PHAX: variants seen among roughly 807,000 people sequenced by gnomAD.
PHAX encodes phosphorylated adapter RNA export protein.
PHAX carries 31 observed loss-of-function variants against 41.6 expected under a neutral mutation model. The ratio of observed to expected loss-of-function variants is 0.75; its 90% CI spans 0.56 to 1.01. The LOEUF (loss-of-function observed/expected upper bound fraction) is 1.01, where lower values mean the gene tolerates loss of function less well. Among genes scored for constraint, PHAX ranks in the 50% least tolerant of loss-of-function variants. The pLI is 0.00. For missense variants in PHAX, 453 were observed against 472.9 expected (o/e 0.96, Z 0.39); for synonymous variants, 175 against 164.9 (o/e 1.06, Z -0.47).
At chr5:126,605,220 G>A (rs1381352162) in intron 2 of PHAX, among the ~76,000 whole-genome samples, 1 of 151,502 alleles carries the variant, frequency 6.6e-6, no homozygotes, top group Non-Finnish European at 1.5e-5. Context: ...CTGGAGTGCA[G>A]TAGCACAATC....
Position 126,603,566 on chromosome 5 carries a change from G to T in PHAX, c.97-4G>T. 1 of 1,587,148 alleles carries T rather than the reference G, an allele frequency of 6.3e-7. No homozygotes were observed. The highest frequency in any genetic ancestry group is 8.6e-7 in the Non-Finnish European group (1 of 1,163,560). On this transcript the variant is annotated splice_region_variant and splice_polypyrimidine_tract_variant and intron_variant, in intron 1 of 4. Transcript: ENST00000297540. ...AAATTGATTGTGTTTCTTTTCACTT[G>T]CAGAAAGTGCTAGGTGGCGACAGTG...
chr5:126,601,594 T>G (rs1751904991), intron 1 of PHAX, among the ~76,000 whole-genome samples: 1 of 152,202 alleles, frequency 6.6e-6, no homozygotes, highest in African/African-American at 2.4e-5. Context: ...CTCAAAGATC[T>G]GGTTTTCCAT....
intron 3 of PHAX, among the ~76,000 whole-genome samples, chr5:126,614,059 C>T (rs571254738): frequency 5.3e-5 from 8 of 151,778 alleles, no homozygotes; most frequent in African/African-American, 1.7e-4. Flanking sequence ...CATTGTACCC[C>T]GCCTATTTTT....
chr5:126,624,809 G>A lies in PHAX; in HGVS notation c.1150G>A (p.Glu384Lys). Residue 384 changes from glutamate to lysine, a missense_variant, in exon 5 of 5, where the codon GAA becomes AAA. By Grantham distance (56) the Glu-to-Lys change is moderately conservative (BLOSUM62 1). Coordinates refer to ENST00000297540, the MANE Select transcript of PHAX (RefSeq NM_032177.4). ...EAKLEAEEAI[E>K]VDHSHDLDIF ...CAAGTTGGAGGCAGAGGAAGCCATT[G>A]AAGTTGATCATTCTCATGATTTGGA... 1.2e-6 allele frequency: 2 copies of A among 1,611,526 alleles called. No individual in the cohort carries two copies.
intron 4 of PHAX, among the ~76,000 whole-genome samples, chr5:126,620,737 CTTT>C (rs1038627131): frequency 2.0e-5 from 3 of 151,324 alleles, no homozygotes; most frequent in African/African-American, 7.4e-5. Flanking sequence ...CAAGGACATT[CTTT>C]TGTTTGTTTG....
intron 1 of PHAX, among the ~76,000 whole-genome samples, chr5:126,602,263 T>TA (rs1312729307): frequency 2.0e-5 from 3 of 152,258 alleles, no homozygotes; most frequent in African/African-American, 7.2e-5. Flanking sequence ...CCCTGCTTTC[T>TA]AAACGGGAAT....
At chr5:126,602,439 G>C (rs905737359) in intron 1 of PHAX, among the ~76,000 whole-genome samples, 2 of 152,198 alleles carry the variant, frequency 1.3e-5, no homozygotes, top group Non-Finnish European at 2.9e-5. Flanking sequence ...CCACTGATAG[G>C]GTTATTGCAA....
intron 1 of PHAX, among the ~76,000 whole-genome samples, chr5:126,602,426 G>C (rs1751918087): frequency 6.6e-6 from 1 of 152,216 alleles, no homozygotes; most frequent in African/African-American, 2.4e-5. Context: ...TTGGCATGAT[G>C]TACCACTGAT....
chr5:126,620,927 G>C (rs772880091), intron 4 of PHAX, among the ~76,000 whole-genome samples: 2 of 152,024 alleles, frequency 1.3e-5, no homozygotes, highest in Middle Eastern at 3.4e-3. Context: ...GTAGAGACAG[G>C]GTTTCACCAT....
Position 126,624,893 on chromosome 5 carries a change from A to G in PHAX, c.*49A>G, listed in dbSNP as rs1752324282. ...CTAAGCCTTTCTAAAATAACATTGT[A>G]ATAAACCATTTTTACTGAGATTGCA... On this transcript the variant is annotated 3_prime_UTR_variant, in exon 5 of 5. Coordinates refer to ENST00000297540, the MANE Select transcript of PHAX (RefSeq NM_032177.4). 2 of 1,521,874 alleles carry G rather than the reference A, an allele frequency of 1.3e-6. No individual in the cohort carries two copies. The highest frequency in any genetic ancestry group is 1.8e-6 in the Non-Finnish European group (2 of 1,130,566). 94.3% of individuals were successfully genotyped at this position (1,521,874 alleles called of 1,614,324 possible). A position where few individuals can be genotyped will look rare whatever the true frequency, so the allele number is the denominator to read the frequency against.
In PHAX at chr5:126,625,860, C is replaced by G. The variant is rs937572030; in HGVS notation, c.*1016C>G. The G allele has an allele frequency of 8.6e-5, 13 of 151,884 alleles. No homozygotes were observed. The highest frequency in any genetic ancestry group is 3.3e-4 in the Admixed American group (5 of 15,220). The allele number at this position is 151,884 out of a possible 1,614,324, so 9.4% of individuals were successfully genotyped here. A position where few individuals can be genotyped will look rare whatever the true frequency, so the allele number is the denominator to read the frequency against. The stretch of plus-strand genomic sequence containing the variant: ...GGATCACAGGTGTGTACCACCACGC[C>G]CAGCTGATTTTTGTATTTTTAGTAA... On this transcript the variant is annotated 3_prime_UTR_variant, in exon 5 of 5. Transcript: ENST00000297540.
Position 126,624,982 on chromosome 5 carries a change from G to A in PHAX, c.*138G>A. On this transcript the variant is annotated 3_prime_UTR_variant, in exon 5 of 5. Coordinates refer to ENST00000297540, the MANE Select transcript of PHAX (RefSeq NM_032177.4). ...ACAATTGTTTTCTTGTTTAAAATAT[G>A]TGTGGAAAGGAATGCAATTGATAGA... 1 of 748,404 alleles carries A rather than the reference G, an allele frequency of 1.3e-6. No homozygotes were observed. Among genetic ancestry groups the A allele is most frequent in the Non-Finnish European group, 2.1e-6 (1 of 471,794 alleles). 46.4% of individuals were successfully genotyped at this position (748,404 alleles called of 1,614,324 possible).
At chr5:126,613,419 C>T (rs1752136258) in intron 3 of PHAX, among the ~76,000 whole-genome samples, 1 of 152,062 alleles carries the variant, frequency 6.6e-6, no homozygotes, top group Non-Finnish European at 1.5e-5. Context: ...ATATATGTGG[C>T]ATATAAAAAA....
intron 3 of PHAX, among the ~76,000 whole-genome samples, chr5:126,615,956 G>T (rs1311585796): frequency 2.0e-5 from 3 of 151,238 alleles, no homozygotes; most frequent in African/African-American, 7.3e-5. Context: ...TTAAATATTT[G>T]ATCCCTTTGG....
rs1265049573 is a variant in PHAX at position 126,627,129 on chromosome 5, T to C, written c.*2285T>C. The C allele has an allele frequency of 6.6e-6, 1 of 152,240 alleles. No homozygotes were observed. Among genetic ancestry groups the C allele is most frequent in the Non-Finnish European group, 1.5e-5 (1 of 68,052 alleles). 9.4% of individuals were successfully genotyped at this position (152,240 alleles called of 1,614,324 possible). A position where few individuals can be genotyped will look rare whatever the true frequency, so the allele number is the denominator to read the frequency against. On this transcript the variant is annotated 3_prime_UTR_variant, in exon 5 of 5. Transcript: ENST00000297540. ...AAACTGTTCCTTACAGACAGTGTAC[T>C]TGAAGTCTTTTGGTAGTTCTGAGAA...
intron 4 of PHAX, among the ~76,000 whole-genome samples, chr5:126,623,729 A>G (rs765208230): frequency 6.6e-6 from 1 of 152,156 alleles, no homozygotes; most frequent in East Asian, 1.9e-4. Flanking sequence ...AAATTTTAGG[A>G]GAGAGTCTCC....
chr5:126,618,008 C>T (rs1381834625), intron 4 of PHAX, among the ~76,000 whole-genome samples: 2 of 152,126 alleles, frequency 1.3e-5, no homozygotes, highest in Non-Finnish European at 2.9e-5. Flanking sequence ...GGCTGGAGTG[C>T]AGTGGCGCAA....
Position 126,604,066 on chromosome 5 carries a change from A to G in PHAX, c.593A>G (p.Lys198Arg), listed in dbSNP as rs371972782. 9.9e-6 allele frequency: 16 copies of G among 1,613,856 alleles called. No individual in the cohort carries two copies. Among genetic ancestry groups the G allele is most frequent in the African/African-American group, 6.7e-5 (5 of 74,856 alleles). Reference sequence around the variant, plus strand: ...GAGGAAAATGGGCAAGGTCATCTCAAAAGGAAACGACCTGTCAAAGACAGG... The same window carrying G: ...GAGGAAAATGGGCAAGGTCATCTCAGAAGGAAACGACCTGTCAAAGACAGG... ...KEEENGQGHL[K>R]RKRPVKDRLG... Residue 198 changes from lysine (K) to arginine (R), a missense_variant, in exon 2 of 5, where the codon AAA becomes AGA. Transcript: ENST00000297540.
rs773089193 is a variant in PHAX at position 126,611,069 on chromosome 5, T to C, written c.831+2585T>C. Among the ~76,000 whole-genome samples, 60 of 137,346 alleles carry C rather than the reference T, an allele frequency of 4.4e-4. 1 individual carries two copies. Among genetic ancestry groups the C allele is most frequent in the Non-Finnish European group, 6.2e-4 (41 of 65,666 alleles). 90.1% of individuals were successfully genotyped at this position (137,346 alleles called of 152,430 possible). ...TTTCGTTTGTTTGTTTGTTTGTTTG[T>C]TTTGAGATGTAGTTTTGCTCTTGTT... On this transcript the variant is annotated intron_variant, in intron 3 of 4. Transcript: ENST00000297540.
Sources: gnomAD v4.1 joint callset for allele counts (sites outside exome capture counted in the v4.1 genomes callset) on GRCh38, gnomAD v4.1.1 for gene constraint, MANE v1.5 for transcripts, NCBI Gene and HGNC (gene_info 2026-07-23, HGNC 2026-07-21) for gene names.